The following LARGE1 variants were observed in gnomAD, a reference collection of about 807,000 sequenced individuals.
LARGE1 encodes LARGE xylosyl- and glucuronyltransferase 1.
A neutral mutation model predicts 87.6 loss-of-function variants in LARGE1; 43 were observed. That is an observed-to-expected ratio of 0.49 (90% CI 0.38 to 0.63). The LOEUF (loss-of-function observed/expected upper bound fraction) is 0.63. LARGE1 is among the 30% of genes least tolerant of loss of function. The probability of loss-of-function intolerance (pLI) is 0.00; values close to 1 mark genes in which losing one functional copy is unlikely to be tolerated. For synonymous variants in LARGE1, 434 were observed against 394.6 expected (o/e 1.10, Z -1.18); for missense variants, 802 against 1,000.2 (o/e 0.80, Z 2.67).
intron 6 of LARGE1, among the ~76,000 whole-genome samples, chr22:33,506,673 G>C (rs2070781130): frequency 6.6e-6 from 1 of 152,174 alleles, no homozygotes; most frequent in African/African-American, 2.4e-5. Context: ...GGCTGAGGCG[G>C]GTAGATCACC....
At chr22:33,494,684 T>C (rs937014320) in intron 6 of LARGE1, among the ~76,000 whole-genome samples, 7 of 152,224 alleles carry the variant, frequency 4.6e-5, no homozygotes, top group Non-Finnish European at 7.3e-5. Flanking sequence ...ATTTTGCAGA[T>C]GAGAAACATG....
intron 6 of LARGE1, among the ~76,000 whole-genome samples, chr22:33,436,845 T>C (rs2067290030): frequency 6.6e-6 from 1 of 152,172 alleles, no homozygotes; most frequent in Non-Finnish European, 1.5e-5. Flanking sequence ...CTTCTTGGGA[T>C]AGCTGAGCAA....
chr22:33,393,917 A>G (rs2065622772), intron 7 of LARGE1, among the ~76,000 whole-genome samples: 1 of 152,252 alleles, frequency 6.6e-6, no homozygotes. Flanking sequence ...CATCTGGTCA[A>G]GTAGCAGGGC....
chr22:33,772,576 A>T (rs1223859621), intron 1 of LARGE1, among the ~76,000 whole-genome samples: 4 of 151,714 alleles, frequency 2.6e-5, no homozygotes, highest in African/African-American at 9.7e-5. Context: ...TTATCCCTCT[A>T]GACTGGATCT....
At chr22:33,235,591 G>A (rs921688768) in intron 11 of LARGE1, among the ~76,000 whole-genome samples, 1 of 152,182 alleles carries the variant, frequency 6.6e-6, no homozygotes, top group African/African-American at 2.4e-5. Context: ...GGCAAGTGAT[G>A]GTAGCTGTTA....
chr22:33,912,062 C>T (rs2065653792), intron 1 of LARGE1, among the ~76,000 whole-genome samples: 1 of 152,184 alleles, frequency 6.6e-6, no homozygotes, highest in Non-Finnish European at 1.5e-5. Context: ...AAAGGTAAAG[C>T]CCCACCGGCC....
At chr22:33,795,582 T>G (rs2085953087) in intron 1 of LARGE1, among the ~76,000 whole-genome samples, 1 of 152,216 alleles carries the variant, frequency 6.6e-6, no homozygotes, top group African/African-American at 2.4e-5. Flanking sequence ...GCGGCACTAT[T>G]CACAATAGCA....
At chr22:33,622,652 C>T (rs1352269157) in intron 4 of LARGE1, among the ~76,000 whole-genome samples, 3 of 152,152 alleles carry the variant, frequency 2.0e-5, no homozygotes, top group African/African-American at 7.2e-5. Flanking sequence ...CTGTCCAGCC[C>T]GCTGCCACTG....
intron 1 of LARGE1, among the ~76,000 whole-genome samples, chr22:33,798,743 C>G (rs1474976892): frequency 2.6e-5 from 4 of 152,190 alleles, no homozygotes; most frequent in Non-Finnish European, 5.9e-5. Flanking sequence ...CAAAGAAAAA[C>G]TGGCACCTCA....
intron 6 of LARGE1, among the ~76,000 whole-genome samples, chr22:33,466,573 C>CT (rs1418910898): frequency 6.6e-6 from 1 of 151,862 alleles, no homozygotes; most frequent in Non-Finnish European, 1.5e-5. Flanking sequence ...CCAGGTATTT[C>CT]TTTTTTTGTC....
At chr22:33,582,879 G>T (rs2078562645) in intron 5 of LARGE1, among the ~76,000 whole-genome samples, 1 of 152,216 alleles carries the variant, frequency 6.6e-6, no homozygotes, top group South Asian at 2.1e-4. Context: ...CTAGATAGTA[G>T]CTCCAAGGTG....
intron 2 of LARGE1, among the ~76,000 whole-genome samples, chr22:33,708,858 C>T (rs2082641581): frequency 6.6e-6 from 1 of 152,144 alleles, no homozygotes; most frequent in South Asian, 2.1e-4. Context: ...CTTGGCCTCC[C>T]AAAGTGCTGG....
chr22:33,351,983 C>T (rs535529974), intron 9 of LARGE1, among the ~76,000 whole-genome samples: 19 of 152,198 alleles, frequency 1.2e-4, no homozygotes, highest in African/African-American at 2.9e-4. Context: ...ATAATCCACC[C>T]GCCTCAGCCT....
At position 33,599,754 on chromosome 22, in the gene LARGE1, G is replaced by A. The variant is rs553545092; in HGVS notation, c.615+4681C>T. On this transcript the variant is annotated intron_variant, in intron 5 of 14. Coordinates refer to ENST00000397394, the MANE Select transcript of LARGE1 (RefSeq NM_133642.5). ...GCCATTTCCAACAGCTGTACAAAGT[G>A]ATTTCTTGGAGCTGTATCAAGGGAG... Among the ~76,000 whole-genome samples the A allele has an allele frequency of 1.8e-3, 267 of 152,272 alleles. 1 individual carries two copies. Among genetic ancestry groups the A allele is most frequent in the African/African-American group, 6.1e-3 (252 of 41,558 alleles).
At chr22:33,851,236 A>T (rs917359484) in intron 1 of LARGE1, among the ~76,000 whole-genome samples, 9 of 152,222 alleles carry the variant, frequency 5.9e-5, no homozygotes, top group African/African-American at 2.2e-4. Context: ...ATATGCAGTA[A>T]ATCCAGGATA....
At chr22:33,623,824 A>T (rs1469583194) in intron 4 of LARGE1, among the ~76,000 whole-genome samples, 1 of 151,940 alleles carries the variant, frequency 6.6e-6, no homozygotes, top group Non-Finnish European at 1.5e-5. Flanking sequence ...TGAGGTCAGG[A>T]GTTTGGGACC....
chr22:33,189,991 T>G (rs1470491699), intron 11 of LARGE1, among the ~76,000 whole-genome samples: 1 of 152,160 alleles, frequency 6.6e-6, no homozygotes, highest in Non-Finnish European at 1.5e-5. Context: ...CCAGGCTAGT[T>G]CATCTGTCTA....
intron 1 of LARGE1, among the ~76,000 whole-genome samples, chr22:33,794,808 T>C (rs4525791): frequency 0.042 from 6,433 of 152,110 alleles, 446 homozygotes; most frequent in African/African-American, 0.15. Context: ...TTAGTAGAAA[T>C]AGGGTTTCAC....
At chr22:33,346,462 C>G (rs148295202) in intron 9 of LARGE1, among the ~76,000 whole-genome samples, 1 of 152,138 alleles carries the variant, frequency 6.6e-6, no homozygotes, top group Non-Finnish European at 1.5e-5. Flanking sequence ...GCCGCCACGC[C>G]TGGCTATGTT....
Sources: gnomAD v4.1 joint callset for allele counts (sites outside exome capture counted in the v4.1 genomes callset) on GRCh38, gnomAD v4.1.1 for gene constraint, MANE v1.5 for transcripts, NCBI Gene and HGNC (gene_info 2026-07-23, HGNC 2026-07-21) for gene names.